The following PPEF1 variants were observed in gnomAD, a reference collection of about 807,000 sequenced individuals.
The protein encoded by PPEF1 is protein phosphatase with EF-hand domain 1.
PPEF1 carries 12 observed loss-of-function variants against 53.3 expected under a neutral mutation model. That is an observed-to-expected ratio of 0.23 (90% CI 0.14 to 0.36). PPEF1 has a LOEUF of 0.36. PPEF1 is among the 10% of genes least tolerant of loss of function. PPEF1 has a pLI of 1.00. For synonymous variants in PPEF1, 165 were observed against 176.7 expected, an observed-to-expected ratio of 0.93 and a Z score of 0.52; for missense variants, 334 against 490.4, an observed-to-expected ratio of 0.68 and a Z score of 3.01.
chrX:18,748,491 C>T (rs2147457121), intron 3 of PPEF1, among the ~76,000 whole-genome samples: 1 of 112,355 alleles, frequency 8.9e-6, no homozygotes. Flanking sequence ...TGTCATTGTC[C>T]TCTGGGTCAT....
chrX:18,758,712 C>T (rs764674425), intron 5 of PPEF1, among the ~76,000 whole-genome samples: 1 of 110,849 alleles, frequency 9.0e-6, no homozygotes, highest in South Asian at 3.9e-4. Context: ...ATAGAGACTT[C>T]GGGTCATGAG....
At chrX:18,740,476 C>G (rs1452790759) in intron 3 of PPEF1, among the ~76,000 whole-genome samples, 1 of 107,279 alleles carries the variant, frequency 9.3e-6, no homozygotes, top group Non-Finnish European at 1.9e-5. Context: ...GTGGCACGGT[C>G]TCGGCTCACT....
At chrX:18,705,453 C>G (rs1013644646), upstream of PPEF1, among the ~76,000 whole-genome samples, 2 of 112,360 alleles carry the variant, frequency 1.8e-5, no homozygotes, top group African/African-American at 6.5e-5. Flanking sequence ...GTGGCTGATG[C>G]CTGTCATCCC....
chrX:18,680,617 AAAT>A (rs1338603323), upstream of PPEF1, among the ~76,000 whole-genome samples: 3 of 108,356 alleles, frequency 2.8e-5, no homozygotes, highest in Non-Finnish European at 5.7e-5. Flanking sequence ...AAATATTTTT[AAAT>A]TTTATTATTA....
At chrX:18,802,887 T>C (rs1331680578) in intron 10 of PPEF1, among the ~76,000 whole-genome samples, 4 of 112,548 alleles carry the variant, frequency 3.6e-5, no homozygotes, top group African/African-American at 9.7e-5. Flanking sequence ...TTCTTGGTTA[T>C]TGTTATTGCT....
chrX:18,730,251 C>T lies in PPEF1; in HGVS notation c.117C>T (p.His39=). 6.6e-6 allele frequency: 8 copies of T among 1,210,083 alleles called. No individual in the cohort carries two copies. The highest frequency in any genetic ancestry group is 8.9e-6 in the Non-Finnish European group (8 of 893,863). The part of the protein sequence containing the change: ...GYKARLKARQ[H]YALTIFQSIE... ...AAGCTCGACTGAAGGCCAGACAACA[C>T]TATGCCCTCACCATCTTCCAGTCCA... Residue 39 remains histidine, a synonymous_variant, in exon 2 of 16, where the codon CAC becomes CAT. Coordinates refer to ENST00000470157, the MANE Select transcript of PPEF1 (RefSeq NM_001377996.1).
intron 3 of PPEF1, among the ~76,000 whole-genome samples, chrX:18,734,224 C>T (rs187108481): frequency 3.7e-5 from 4 of 107,789 alleles, no homozygotes; most frequent in African/African-American, 1.4e-4. Context: ...TGGTGTGCTG[C>T]ACCCATTAAC....
intron 6 of PPEF1, among the ~76,000 whole-genome samples, chrX:18,776,132 C>T (rs2045961134): frequency 8.9e-6 from 1 of 112,582 alleles, no homozygotes; most frequent in South Asian, 3.7e-4. Context: ...GTTCCTCTAG[C>T]TTACTCACCC....
At chrX:18,797,952 C>T (rs1312798367) in intron 10 of PPEF1, among the ~76,000 whole-genome samples, 1 of 111,269 alleles carries the variant, frequency 9.0e-6, no homozygotes, top group Admixed American at 9.6e-5. Context: ...CCTCGGCCTC[C>T]CAAAGTGCTG....
In PPEF1 at chrX:18,710,955, T is replaced by G. The variant is rs188950385; in HGVS notation, c.46+3129T>G. 4.4e-3 allele frequency among the ~76,000 whole-genome samples: 478 copies of G among 109,864 alleles called. 3 individuals carry two copies. Among genetic ancestry groups the G allele is most frequent in the Middle Eastern group, 0.019 (4 of 213 alleles). On this transcript the variant is annotated intron_variant, in intron 1 of 15. Transcript: ENST00000470157. ...AAGTGTTTTTCAATGGATGATTGGGTAAAGAAAATGTGTGGTGTATGTATA... is the reference window on the plus strand; with the variant it reads ...AAGTGTTTTTCAATGGATGATTGGGGAAAGAAAATGTGTGGTGTATGTATA...
exon 1 of PPEF1, chrX:18,676,107 G>C (rs1928666618): frequency 1.8e-5 from 2 of 110,505 alleles, no homozygotes; most frequent in Non-Finnish European, 3.8e-5. Flanking sequence ...CTGTCTTCCT[G>C]GGAAGGCCTC....
At chrX:18,745,108 TA>T (rs1230524567) in intron 3 of PPEF1, among the ~76,000 whole-genome samples, 1 of 96,642 alleles carries the variant, frequency 1.0e-5, no homozygotes, top group Non-Finnish European at 2.0e-5. Flanking sequence ...ATATATTATA[TA>T]ATTATATTAT....
chrX:18,821,764 AGAGAGAGAGAG>A (rs2047054896), intron 13 of PPEF1, among the ~76,000 whole-genome samples: 3 of 10,136 alleles, frequency 3.0e-4, no homozygotes, highest in Non-Finnish European at 7.5e-4. Context: ...ATGGCGAGAG[AGAGAGAGAGAG>A]AGAGAGAGAG....
At chrX:18,681,795 A>T (rs1204941940), upstream of PPEF1, among the ~76,000 whole-genome samples, 2 of 111,616 alleles carry the variant, frequency 1.8e-5, no homozygotes, top group East Asian at 5.6e-4. Flanking sequence ...AAAGTGTAAG[A>T]GCCAGTGTGG....
chrX:18,812,263 T>G (rs1200475653), intron 12 of PPEF1, among the ~76,000 whole-genome samples: 1 of 112,025 alleles, frequency 8.9e-6, no homozygotes, highest in African/African-American at 3.2e-5. Context: ...TTCTTGGCAC[T>G]CTTGTCAAAA....
At chrX:18,827,202 G>C in intron 15 of PPEF1, 74 bp from the exon 16 acceptor site, 1 of 887,936 alleles carries the variant, frequency 1.1e-6, no homozygotes, top group African/African-American at 2.0e-5. Flanking sequence ...TATTTAATCA[G>C]TGTGGGTTCC....
intron 3 of PPEF1, among the ~76,000 whole-genome samples, chrX:18,746,813 C>T (rs2045340121): frequency 8.9e-6 from 1 of 112,158 alleles, no homozygotes; most frequent in African/African-American, 3.2e-5. Context: ...AGAGTTTGAG[C>T]TCAAAGCCAG....
upstream of PPEF1, among the ~76,000 whole-genome samples, chrX:18,707,330 C>T (rs1301894248): frequency 8.9e-6 from 1 of 111,902 alleles, no homozygotes; most frequent in Admixed American, 9.5e-5. Flanking sequence ...CTCCACATCC[C>T]ATTCCCCATA....
At chrX:18,760,444 A>G (rs947940760) in intron 5 of PPEF1, among the ~76,000 whole-genome samples, 1 of 111,349 alleles carries the variant, frequency 9.0e-6, no homozygotes, top group Admixed American at 9.6e-5. Context: ...TTAAAAAGCT[A>G]TATACTTAGC....
Sources: gnomAD v4.1 joint callset for allele counts (sites outside exome capture counted in the v4.1 genomes callset) on GRCh38, gnomAD v4.1.1 for gene constraint, MANE v1.5 for transcripts, NCBI Gene and HGNC (gene_info 2026-07-23, HGNC 2026-07-21) for gene names.